Variants in IFT88 observed in about 807,000 individuals in gnomAD.
The protein encoded by IFT88 is intraflagellar transport 88.
In IFT88, 74 loss-of-function variants were observed where a neutral mutation model predicts 119.5. That is an observed-to-expected ratio of 0.62 (90% CI 0.51 to 0.75). The LOEUF (loss-of-function observed/expected upper bound fraction) is 0.75. Ranked by LOEUF, IFT88 falls within the 30% of genes least tolerant of loss-of-function variation. The pLI is 0.00. For missense variants in IFT88, 961 were observed against 977.7 expected, an observed-to-expected ratio of 0.98 and a Z score of 0.23; for synonymous variants, 279 against 316.7, an observed-to-expected ratio of 0.88 and a Z score of 1.26.
intron 24 of IFT88, among the ~76,000 whole-genome samples, chr13:20,671,267 T>C (rs915302599): frequency 6.6e-5 from 10 of 152,240 alleles, no homozygotes; most frequent in Admixed American, 2.0e-4. Context: ...TTTTGCTAGT[T>C]GATTAATAAA....
chr13:20,673,026 C>G (rs9506534), intron 24 of IFT88, among the ~76,000 whole-genome samples: 1 of 151,956 alleles, frequency 6.6e-6, no homozygotes. Flanking sequence ...GCAGGAAGTA[C>G]GTGATATCAG....
intron 11 of IFT88, 37 bp downstream of exon 11, chr13:20,599,602 A>G: frequency 1.0e-6 from 1 of 961,416 alleles, no homozygotes; most frequent in African/African-American, 1.7e-5. Flanking sequence ...TGTAAAATTT[A>G]AGTGTTTTTC....
intron 23 of IFT88, 141 bp from the exon 24 acceptor site, chr13:20,670,832 T>TC: frequency 1.8e-6 from 1 of 544,926 alleles, no homozygotes; most frequent in Non-Finnish European, 3.0e-6. Flanking sequence ...TTTTTTTTTT[T>TC]TCTATAGAAT....
intron 23 of IFT88, among the ~76,000 whole-genome samples, chr13:20,664,983 G>A (rs2054439841): frequency 6.6e-6 from 1 of 151,852 alleles, no homozygotes. Context: ...GGAGGCTGAG[G>A]CAGGAGAATG....
At chr13:20,583,113 T>G (rs1171702047) in intron 3 of IFT88, 94 bp downstream of exon 3, 3 of 668,608 alleles carry the variant, frequency 4.5e-6, no homozygotes, top group Non-Finnish European at 7.5e-6. Context: ...TCCTGTAGTG[T>G]TAAAGATTAT....
At chr13:20,690,944 G>A in intron 25 of IFT88, 110 bp from the exon 26 acceptor site, 1 of 1,420,570 alleles carries the variant, frequency 7.0e-7, no homozygotes, top group Non-Finnish European at 9.8e-7. Flanking sequence ...TGACTTGGGA[G>A]ACCATTTCTG....
intron 1 of IFT88, among the ~76,000 whole-genome samples, chr13:20,570,931 A>G (rs1253977920): frequency 1.3e-5 from 2 of 152,050 alleles, no homozygotes; most frequent in Non-Finnish European, 2.9e-5. Context: ...GAAGCCACAT[A>G]TATGTGGTAT....
chr13:20,690,636 A>G (rs1594977841), intron 24 of IFT88, 69 bp from the exon 25 acceptor site: 31 of 999,922 alleles, frequency 3.1e-5, no homozygotes, highest in Non-Finnish European at 3.2e-6. Flanking sequence ...GTATGCTTTA[A>G]GATGCATAAT....
In IFT88 at chr13:20,592,294, T is replaced by C. The variant is rs779539588; in HGVS notation, c.329-41T>C. ...ATTTTCATATATTCTTCGATTTTGC[T>C]GAGTTACAAATTGAATATTAACTCT... On this transcript the variant is annotated intron_variant, in intron 6 of 25. Coordinates refer to ENST00000351808, the MANE Select transcript of IFT88 (RefSeq NM_006531.5). 2.0e-6 allele frequency: 3 copies of C among 1,470,472 alleles called. No homozygotes were observed. In the Admixed American group the frequency reaches 5.5e-5, roughly 27 times the overall value. 91.1% of individuals were successfully genotyped at this position (1,470,472 alleles called of 1,614,324 possible).
chr13:20,608,690 T>G (rs1324380612), intron 13 of IFT88, among the ~76,000 whole-genome samples: 2 of 152,180 alleles, frequency 1.3e-5, no homozygotes, highest in East Asian at 3.9e-4. Flanking sequence ...GTGAGAATCA[T>G]TCAAAAACAT....
intron 20 of IFT88, among the ~76,000 whole-genome samples, chr13:20,651,317 A>G (rs1039305719): frequency 3.3e-5 from 5 of 151,486 alleles, no homozygotes; most frequent in African/African-American, 9.7e-5. Context: ...ATGCCTCTCC[A>G]TCTATGTCTT....
chr13:20,571,236 T>C (rs902580323), intron 1 of IFT88, among the ~76,000 whole-genome samples: 2 of 152,156 alleles, frequency 1.3e-5, no homozygotes, highest in African/African-American at 4.8e-5. Context: ...CCTCGTGATC[T>C]GCCTGCCTCG....
chr13:20,582,376 G>C (rs554648661), intron 2 of IFT88, among the ~76,000 whole-genome samples: 82 of 152,268 alleles, frequency 5.4e-4, no homozygotes, highest in Admixed American at 7.8e-4. Context: ...GATTCCAAAT[G>C]GCAGTGCAGG....
At chr13:20,607,301 G>T in intron 13 of IFT88, 3 of 451,622 alleles carry the variant, frequency 6.6e-6, no homozygotes, top group South Asian at 5.4e-5. Context: ...ACTCACCTTC[G>T]GCAAGTACTT....
chr13:20,651,860 G>T, intron 20 of IFT88, among the ~76,000 whole-genome samples: 1 of 152,072 alleles, frequency 6.6e-6, no homozygotes, highest in East Asian at 1.9e-4. Context: ...GATAAGGGGG[G>T]ACCACAGTAT....
At chr13:20,582,918 TAC>T in intron 2 of IFT88, 37 bp from the exon 3 acceptor site, 1 of 1,509,820 alleles carries the variant, frequency 6.6e-7, no homozygotes. Context: ...CCCCAATTCT[TAC>T]TCTGTGTTGA....
chr13:20,671,943 T>C (rs2055943480), intron 24 of IFT88, among the ~76,000 whole-genome samples: 1 of 152,162 alleles, frequency 6.6e-6, no homozygotes, highest in Non-Finnish European at 1.5e-5. Context: ...ACAGTGTTTA[T>C]TGGATGCATA....
chr13:20,643,632 T>C, intron 19 of IFT88, 27 bp downstream of exon 19: 1 of 1,520,514 alleles, frequency 6.6e-7, no homozygotes, highest in Non-Finnish European at 8.9e-7. Flanking sequence ...AATTTCCTTC[T>C]GTGTTTTAGC....
intron 14 of IFT88, among the ~76,000 whole-genome samples, chr13:20,616,935 G>T (rs887748214): frequency 1.4e-4 from 21 of 150,748 alleles, no homozygotes; most frequent in South Asian, 4.2e-4. Context: ...CTTTTTTTTG[G>T]TTTTTTTTTG....
Sources: gnomAD v4.1 joint callset for allele counts (sites outside exome capture counted in the v4.1 genomes callset) on GRCh38, gnomAD v4.1.1 for gene constraint, MANE v1.5 for transcripts, NCBI Gene and HGNC (gene_info 2026-07-23, HGNC 2026-07-21) for gene names.